Variants in MON1B observed in about 807,000 individuals in gnomAD.
The protein encoded by MON1B is vacuolar fusion protein MON1 homolog B.
In MON1B, 26 loss-of-function variants were observed where a neutral mutation model predicts 45.1. That is an observed-to-expected ratio of 0.58 (90% CI 0.42 to 0.80). The LOEUF (loss-of-function observed/expected upper bound fraction) is 0.80. Ranked by LOEUF, MON1B falls within the 30% of genes least tolerant of loss-of-function variation. MON1B has a pLI of 0.00. For missense variants in MON1B, 737 were observed against 754.5 expected (o/e 0.98, Z 0.27); for synonymous variants, 395 against 320.2 (o/e 1.23, Z -2.49).
Position 77,195,083 on chromosome 16 carries a change from G to C in MON1B, c.1224G>C (p.Pro408=), listed in dbSNP as rs145226349. Residue 408 remains proline, a synonymous_variant, in exon 4 of 6, where the codon CCG becomes CCC. Coordinates refer to ENST00000248248, the MANE Select transcript of MON1B (RefSeq NM_014940.4). ...ACAGCGTGCAGGCTGTCGGGGCGCCGGGCCTCCGGCACTTCCTGTATAAGC... is the reference window on the plus strand; with the variant it reads ...ACAGCGTGCAGGCTGTCGGGGCGCCCGGCCTCCGGCACTTCCTGTATAAGC... ...PAYSVQAVGA[P]GLRHFLYKPL... The C allele has an allele frequency of 1.9e-6, 3 of 1,603,922 alleles. No homozygotes were observed. Among genetic ancestry groups the C allele is most frequent in the Non-Finnish European group, 1.7e-6 (2 of 1,179,656 alleles).
chr16:77,198,031 G>A, intron 5 of MON1B, 77 bp from the exon 6 acceptor site: 1 of 1,428,696 alleles, frequency 7.0e-7, no homozygotes, highest in Non-Finnish European at 9.8e-7. Context: ...AGGCAGACAT[G>A]CAGCTGCACT....
Position 77,194,068 on chromosome 16 carries a change from G to A in MON1B, c.476-267G>A, listed in dbSNP as rs3743763. 275,960 of 599,550 alleles carry A rather than the reference G, an allele frequency of 0.46. 64,649 individuals are homozygous for A. The highest frequency in any genetic ancestry group is 0.56 in the Admixed American group (19,074 of 33,776). 37.1% of individuals were successfully genotyped at this position (599,550 alleles called of 1,614,324 possible). Reference sequence around the variant, plus strand: ...GGTTGAGCTGTGTCTTTCTGGCTCTGTGTCAGCCCTTGTACCATCTCTACC... The same window carrying A: ...GGTTGAGCTGTGTCTTTCTGGCTCTATGTCAGCCCTTGTACCATCTCTACC... On this transcript the variant is annotated intron_variant, in intron 3 of 5. Coordinates refer to ENST00000248248, the MANE Select transcript of MON1B (RefSeq NM_014940.4). The surrounding 1 kb of genome is among the most constrained non-coding windows in gnomAD (Gnocchi z 8.1).
chr16:77,194,370 C>T lies in MON1B; in HGVS notation c.511C>T (p.Leu171=), dbSNP rs35400703. The T allele has an allele frequency of 5.1e-4, 816 of 1,610,218 alleles. 1 individual carries two copies. Among genetic ancestry groups the T allele is most frequent in the Non-Finnish European group, 3.9e-4 (463 of 1,179,972 alleles). The change falls in exon 4 of 6, where the codon CTG becomes TTG. Residue 171 remains leucine, a synonymous_variant. Transcript: ENST00000248248. The surrounding 1 kb of genome is among the most constrained non-coding windows in gnomAD (Gnocchi z 8.1). ...GCTGGTGTTCCTACAACAGGGCCCA[C>T]TGTTGCTCGTGGCCATGTCACGGAC... ...HKLVFLQQGP[L]LLVAMSRTSQ...
At position 77,191,462 on chromosome 16, in the gene MON1B, C is replaced by G. The variant is rs1362616075; in HGVS notation, c.-10-14C>G. On this transcript the variant is annotated splice_polypyrimidine_tract_variant and intron_variant, in intron 1 of 5. Coordinates refer to ENST00000248248, the MANE Select transcript of MON1B (RefSeq NM_014940.4). The stretch of plus-strand genomic sequence containing the variant: ...CTTTCACCGCCCGTCACCCTCGATT[C>G]CCCTCCCACTCAGGGATGTGCAGAT... 1.3e-5 allele frequency: 21 copies of G among 1,585,904 alleles called. No individual in the cohort carries two copies. Among genetic ancestry groups the G allele is most frequent in the Non-Finnish European group, 1.8e-5 (21 of 1,168,466 alleles).
rs2054750272 is a variant in MON1B, at chr16:77,202,189, G to A, written c.*3881G>A. The A allele has an allele frequency of 6.6e-6, 1 of 152,118 alleles. No individual in the cohort carries two copies. The highest frequency in any genetic ancestry group is 2.4e-5 in the African/African-American group (1 of 41,430). 9.4% of individuals were successfully genotyped at this position (152,118 alleles called of 1,614,324 possible). A position where few individuals can be genotyped will look rare whatever the true frequency, so the allele number is the denominator to read the frequency against. On this transcript the variant is annotated 3_prime_UTR_variant, in exon 6 of 6. Coordinates refer to ENST00000248248, the MANE Select transcript of MON1B (RefSeq NM_014940.4). The stretch of plus-strand genomic sequence containing the variant: ...TATTAACATCCAGGTTTTGATTGTT[G>A]TACTATGGTTACCTGGTAGATTCCC...
Position 77,194,802 on chromosome 16 carries a change from GC to G in MON1B, c.945del (p.Phe316LeufsTer120). 6.2e-7 allele frequency: 1 copy of G among 1,613,416 alleles called. No homozygotes were observed. Among genetic ancestry groups the G allele is most frequent in the Non-Finnish European group, 8.5e-7 (1 of 1,180,014 alleles). ...GCTGCTCGACTGGGTGGGTGCACCA[GC>G]CTTTGCGGCGGGTGAGGCTTGGGCA... ...QLLLDWVGAP[A>X]FAAGEAWAPV... On this transcript the variant is annotated frameshift_variant, in exon 4 of 6. Coordinates refer to ENST00000248248, the MANE Select transcript of MON1B (RefSeq NM_014940.4). LOFTEE classifies it high-confidence loss of function. This position sits in a 1 kb window ranked among gnomAD's most constrained non-coding sequence, Gnocchi z 8.1.
rs377027557 is a variant in MON1B at position 77,191,651 on chromosome 16, G to A, written c.148+18G>A. Reference sequence around the variant, plus strand: ...GGAAACAGGTATGACTCCACTTAGTGGGGTCTTAAAAGGAATCCTTAGGGG... The same window carrying A: ...GGAAACAGGTATGACTCCACTTAGTAGGGTCTTAAAAGGAATCCTTAGGGG... On this transcript the variant is annotated intron_variant, in intron 2 of 5. Coordinates refer to ENST00000248248, the MANE Select transcript of MON1B (RefSeq NM_014940.4). 9 of 1,605,314 alleles carry A rather than the reference G, an allele frequency of 5.6e-6. No individual in the cohort carries two copies. The highest frequency in any genetic ancestry group is 7.7e-6 in the Non-Finnish European group (9 of 1,176,462).
chr16:77,200,409 G>A lies in MON1B; in HGVS notation c.*2101G>A, dbSNP rs566165737. ...GGAGGTTGCAGTGAGCCGAGATCAT[G>A]TCACTGCACTCCAGCCTGGGTGACA... On this transcript the variant is annotated 3_prime_UTR_variant, in exon 6 of 6. Coordinates refer to ENST00000248248, the MANE Select transcript of MON1B (RefSeq NM_014940.4). The A allele has an allele frequency of 6.6e-6, 1 of 151,366 alleles. No homozygotes were observed. The highest frequency in any genetic ancestry group is 1.9e-4 in the East Asian group (1 of 5,138). The allele number at this position is 151,366 out of a possible 1,614,324, so 9.4% of individuals were successfully genotyped here.
intron 2 of MON1B, among the ~76,000 whole-genome samples, chr16:77,192,438 C>G (rs1294426299): frequency 6.6e-6 from 1 of 152,074 alleles, no homozygotes; most frequent in Non-Finnish European, 1.5e-5. Flanking sequence ...TAATGGTTGT[C>G]ATTGGGGGAT....
Position 77,194,652 on chromosome 16 carries a change from C to T in MON1B, c.793C>T (p.Leu265Phe), listed in dbSNP as rs771381092. ...RPLRDALGAL[L>F]RRCTAPGLAL... ...GCTGCGAGACGCACTAGGTGCGCTC[C>T]TCCGACGTTGCACAGCGCCTGGCCT... The change falls in exon 4 of 6, where the codon CTC becomes TTC. Residue 265 changes from leucine (L) to phenylalanine (F), a missense_variant. By Grantham distance (22) the Leu-to-Phe change is conservative. Transcript: ENST00000248248. The surrounding 1 kb of genome is among the most constrained non-coding windows in gnomAD (Gnocchi z 8.1). 6.2e-7 allele frequency: 1 copy of T among 1,613,882 alleles called. No individual in the cohort carries two copies. Among genetic ancestry groups the T allele is most frequent in the South Asian group, 1.1e-5 (1 of 91,070 alleles).
In MON1B at chr16:77,199,505, G is replaced by C. The variant is rs77430739; in HGVS notation, c.*1197G>C. ...TGGAGGCGCCAGAAGCTACTGAGGA[G>C]GCTGAAGGTAGTGAGGGCAAGTGGG... On this transcript the variant is annotated 3_prime_UTR_variant, in exon 6 of 6. Transcript: ENST00000248248. 1.0e-3 allele frequency: 1,629 copies of C among 1,551,430 alleles called. 24 individuals are homozygous for C. The African/African-American group carries it at 0.02, about 19-fold the overall frequency.
At chr16:77,191,403 G>A in intron 1 of MON1B, 73 bp from the exon 2 acceptor site, 2 of 1,581,812 alleles carry the variant, frequency 1.3e-6, no homozygotes, top group South Asian at 2.3e-5. Flanking sequence ...TGTGTCCAAG[G>A]GGGCCTGACT....
rs71134799 is a variant in MON1B, at chr16:77,200,232, G to GTATA, written c.*1936_*1939dup. 7.6e-6 allele frequency: 1 copy of GTATA among 132,140 alleles called. No homozygotes were observed. The highest frequency in any genetic ancestry group is 1.6e-5 in the Non-Finnish European group (1 of 62,570). The allele number at this position is 132,140 out of a possible 1,614,324, so 8.2% of individuals were successfully genotyped here. ...TTTATATGTATGTATGTATGTGTGT[G>GTATA]TATATATATATATATGTATATGTGT... On this transcript the variant is annotated 3_prime_UTR_variant, in exon 6 of 6. Transcript: ENST00000248248.
rs541643754 is a variant in MON1B, at chr16:77,191,517, C to T, written c.32C>T (p.Ala11Val). MEVGGDTAAP[A>V]PGGAEDLEDT... ...GTCGGAGGAGACACTGCTGCCCCGG[C>T]CCCCGGGGGCGCGGAGGACTTGGAG... Residue 11 changes from alanine to valine, a missense_variant, in exon 2 of 6, where the codon GCC becomes GTC. Ala to Val is a moderately conservative substitution (Grantham distance 64). Coordinates refer to ENST00000248248, the MANE Select transcript of MON1B (RefSeq NM_014940.4). 118 of 1,605,332 alleles carry T rather than the reference C, an allele frequency of 7.4e-5. 1 individual carries two copies. In the South Asian group the frequency reaches 1.3e-3, roughly 17 times the overall value.
Position 77,198,849 on chromosome 16 carries a change from A to C in MON1B, c.*541A>C, listed in dbSNP as rs72798545. The C allele has an allele frequency of 0.12, 19,820 of 165,000 alleles. 1,320 individuals carry two copies. Among genetic ancestry groups the C allele is most frequent in the Middle Eastern group, 0.25 (77 of 304 alleles). The allele number at this position is 165,000 out of a possible 1,614,324, so 10.2% of individuals were successfully genotyped here. On this transcript the variant is annotated 3_prime_UTR_variant, in exon 6 of 6. Coordinates refer to ENST00000248248, the MANE Select transcript of MON1B (RefSeq NM_014940.4). ...ACTTTTTTCATCTTTACCCTGCCAG[A>C]AATGACCCGCCCTCAATGCTGGCTG...
intron 2 of MON1B, among the ~76,000 whole-genome samples, chr16:77,192,650 C>T (rs1329085370): frequency 6.6e-6 from 1 of 151,850 alleles, no homozygotes; most frequent in Non-Finnish European, 1.5e-5. Flanking sequence ...GACTGAAGGT[C>T]TCTGAAGTGC....
Position 77,193,929 on chromosome 16 carries a change from G to C in MON1B, c.475+152G>C, listed in dbSNP as rs533629506. 1.5e-5 allele frequency: 12 copies of C among 779,142 alleles called. No individual in the cohort carries two copies. In the Admixed American group the frequency reaches 2.6e-4, roughly 17 times the overall value. The allele number at this position is 779,142 out of a possible 1,614,324, so 48.3% of individuals were successfully genotyped here. On this transcript the variant is annotated intron_variant, in intron 3 of 5. Coordinates refer to ENST00000248248, the MANE Select transcript of MON1B (RefSeq NM_014940.4). This position sits in a 1 kb window ranked among gnomAD's most constrained non-coding sequence, Gnocchi z 5.0. ...CAGAGCTCTGTCAGTGGCGGGAGGT[G>C]GGGGGGTTCATCTCTGTCTGGCCTG...
In MON1B at chr16:77,198,685, G is replaced by C. The variant is rs1388156929; in HGVS notation, c.*377G>C. On this transcript the variant is annotated 3_prime_UTR_variant, in exon 6 of 6. Coordinates refer to ENST00000248248, the MANE Select transcript of MON1B (RefSeq NM_014940.4). ...TGTCCAGATCTGGCCAAGGTGTCTA[G>C]GGTGGCCCACGGGGGTGCTGGAATT... is the stretch of plus-strand genomic sequence containing the variant. 1 of 276,202 alleles carries C rather than the reference G, an allele frequency of 3.6e-6. No individual in the cohort carries two copies. Among genetic ancestry groups the C allele is most frequent in the African/African-American group, 2.2e-5 (1 of 46,508 alleles). 17.1% of individuals were successfully genotyped at this position (276,202 alleles called of 1,614,324 possible). A position where few individuals can be genotyped will look rare whatever the true frequency, so the allele number is the denominator to read the frequency against.
Position 77,200,890 on chromosome 16 carries a change from T to C in MON1B, c.*2582T>C, listed in dbSNP as rs950786432. ...AAAATAGCTTTAAACAAAGCCCATG[T>C]GTACCTATCAGTATGCTTTAACTGT... On this transcript the variant is annotated 3_prime_UTR_variant, in exon 6 of 6. Coordinates refer to ENST00000248248, the MANE Select transcript of MON1B (RefSeq NM_014940.4). 1.3e-5 allele frequency: 2 copies of C among 152,210 alleles called. No individual in the cohort carries two copies. Among genetic ancestry groups the C allele is most frequent in the African/African-American group, 4.8e-5 (2 of 41,454 alleles). The allele number at this position is 152,210 out of a possible 1,614,324, so 9.4% of individuals were successfully genotyped here.
Sources: allele counts gnomAD v4.1 joint callset (sites outside exome capture counted in the v4.1 genomes callset), GRCh38; gene constraint gnomAD v4.1.1; non-coding constraint Gnocchi (gnomAD v3.1); transcripts MANE v1.5; gene names NCBI Gene and HGNC (gene_info 2026-07-23, HGNC 2026-07-21).